Variants in CSMD1 observed in about 807,000 individuals in gnomAD.
The protein encoded by CSMD1 is CUB and Sushi multiple domains 1, also known as CUB and sushi domain-containing protein 1.
In CSMD1, 213 loss-of-function variants were observed where a neutral mutation model predicts 417.5. The ratio of observed to expected loss-of-function variants is 0.51; its 90% CI spans 0.46 to 0.57. The LOEUF is 0.57. CSMD1 is among the 20% of genes least tolerant of loss of function. The probability of loss-of-function intolerance (pLI) is 0.00; values close to 1 mark genes in which losing one functional copy is unlikely to be tolerated. For synonymous variants in CSMD1, 2,862 were observed against 1,736.8 expected (o/e 1.65, Z -16.11); for missense variants, 6,923 against 4,529.7 (o/e 1.53, Z -15.17).
At chr8:4,352,684 G>A (rs1183382312) in intron 3 of CSMD1, among the ~76,000 whole-genome samples, 8 of 152,146 alleles carry the variant, frequency 5.3e-5, no homozygotes, top group Non-Finnish European at 1.0e-4. Context: ...AAAAACGTAT[G>A]CATTTTAAGT....
At chr8:4,916,048 C>A (rs1024941122) in intron 1 of CSMD1, among the ~76,000 whole-genome samples, 1 of 152,166 alleles carries the variant, frequency 6.6e-6, no homozygotes, top group Non-Finnish European at 1.5e-5. Context: ...TAGATTTGCC[C>A]TGGAAAGGCA....
chr8:3,458,336 C>G (rs911271331), intron 12 of CSMD1, among the ~76,000 whole-genome samples: 2 of 152,132 alleles, frequency 1.3e-5, no homozygotes, highest in African/African-American at 2.4e-5. Flanking sequence ...TGGCTTATCT[C>G]ACATTATTAA....
At chr8:3,987,659 A>G (rs1193508286) in intron 5 of CSMD1, among the ~76,000 whole-genome samples, 1 of 152,194 alleles carries the variant, frequency 6.6e-6, no homozygotes, top group African/African-American at 2.4e-5. Context: ...AGCAGAAGAG[A>G]CAGTTCCCAG....
At chr8:4,130,576 T>C (rs1803038182) in intron 3 of CSMD1, among the ~76,000 whole-genome samples, 1 of 152,292 alleles carries the variant, frequency 6.6e-6, no homozygotes, top group Middle Eastern at 3.4e-3. Context: ...ACTGACCTTA[T>C]GTTTTCTAAC....
chr8:3,323,526 G>A (rs75756512), intron 23 of CSMD1, among the ~76,000 whole-genome samples: 7,003 of 152,148 alleles, frequency 0.046, 353 homozygotes, highest in East Asian at 0.21. Context: ...AGGGAAACTT[G>A]CCTAAAACCA....
chr8:3,814,175 A>T (rs2129078853), intron 5 of CSMD1, among the ~76,000 whole-genome samples: 1 of 152,308 alleles, frequency 6.6e-6, no homozygotes, highest in East Asian at 1.9e-4. Flanking sequence ...GGAAGTCAAG[A>T]TGCAAACTGC....
At chr8:3,793,490 C>T (rs1301365725) in intron 5 of CSMD1, among the ~76,000 whole-genome samples, 4 of 151,034 alleles carry the variant, frequency 2.6e-5, no homozygotes, top group Non-Finnish European at 2.9e-5. Context: ...CAAGCCAGCC[C>T]TCTTGTGCCC....
intron 5 of CSMD1, among the ~76,000 whole-genome samples, chr8:3,858,271 G>C (rs1211805422): frequency 6.6e-6 from 1 of 152,046 alleles, no homozygotes; most frequent in East Asian, 1.9e-4. Flanking sequence ...AATGAGGATG[G>C]GCCTTATCAA....
At chr8:3,643,009 G>C (rs2449196) in intron 7 of CSMD1, among the ~76,000 whole-genome samples, 2,217 of 152,058 alleles carry the variant, frequency 0.015, 63 homozygotes, top group African/African-American at 0.048. Flanking sequence ...ATAGATGTAA[G>C]AAATTTTTCA....
At chr8:4,029,172 G>C (rs888952318) in intron 4 of CSMD1, among the ~76,000 whole-genome samples, 8 of 152,096 alleles carry the variant, frequency 5.3e-5, no homozygotes, top group South Asian at 2.1e-4. Flanking sequence ...ATAAACATTG[G>C]CATCAAATCT....
At chr8:3,638,589 G>A (rs1361693936) in intron 7 of CSMD1, among the ~76,000 whole-genome samples, 1 of 152,176 alleles carries the variant, frequency 6.6e-6, no homozygotes, top group Non-Finnish European at 1.5e-5. Context: ...AATCTGGAAA[G>A]GGTCAGAATG....
intron 3 of CSMD1, among the ~76,000 whole-genome samples, chr8:4,129,360 C>G (rs1312147049): frequency 6.6e-6 from 1 of 152,076 alleles, no homozygotes; most frequent in African/African-American, 2.4e-5. Context: ...TGAATGCATT[C>G]CCAGTTTCCT....
At chr8:3,665,042 A>G (rs1294528056) in intron 7 of CSMD1, among the ~76,000 whole-genome samples, 5 of 152,074 alleles carry the variant, frequency 3.3e-5, no homozygotes, top group African/African-American at 7.2e-5. Flanking sequence ...ATAAACTACC[A>G]ATTTCTCTGA....
chr8:3,253,593 C>A (rs1244896476), intron 26 of CSMD1, among the ~76,000 whole-genome samples: 1 of 152,090 alleles, frequency 6.6e-6, no homozygotes, highest in African/African-American at 2.4e-5. Context: ...TTTTTAACTT[C>A]CTGTCTCATT....
chr8:4,190,457 C>T (rs929340699), intron 3 of CSMD1, among the ~76,000 whole-genome samples: 3 of 151,694 alleles, frequency 2.0e-5, no homozygotes, highest in African/African-American at 7.3e-5. Flanking sequence ...TAATCAGAGC[C>T]TAACACTATT....
At chr8:3,461,311 G>C (rs1024009911) in intron 12 of CSMD1, among the ~76,000 whole-genome samples, 2 of 152,186 alleles carry the variant, frequency 1.3e-5, no homozygotes, top group African/African-American at 4.8e-5. Context: ...GAGGGAATGC[G>C]CTTCTGAAGG....
intron 18 of CSMD1, among the ~76,000 whole-genome samples, chr8:3,371,520 T>C (rs935133448): frequency 1.3e-5 from 2 of 152,086 alleles, no homozygotes; most frequent in Non-Finnish European, 2.9e-5. Flanking sequence ...CATGTATATA[T>C]TTATACTTCT....
intron 17 of CSMD1, among the ~76,000 whole-genome samples, chr8:3,395,146 C>T (rs13255022): frequency 0.65 from 98,205 of 151,978 alleles, 32,152 homozygotes; most frequent in African/African-American, 0.74. Context: ...TCATAGTAGA[C>T]ATGATTCTAT....
At position 4,905,587 on chromosome 8, in the gene CSMD1, A is replaced by AGGCG. The variant is rs1485384877; in HGVS notation, c.85+88744_85+88745insCGCC. Among the ~76,000 whole-genome samples, 7 of 152,148 alleles carry AGGCG rather than the reference A, an allele frequency of 4.6e-5. No homozygotes were observed. In the East Asian group the frequency reaches 7.8e-4, roughly 17 times the overall value. ...GTAATCCCAGCACTTTGGGAGGCCA[A>AGGCG]GGTGGGCCCATCACGAGGTCATGAG... On this transcript the variant is annotated intron_variant, in intron 1 of 69. Transcript: ENST00000635120.
Sources: gnomAD v4.1 joint callset for allele counts (sites outside exome capture counted in the v4.1 genomes callset) on GRCh38, gnomAD v4.1.1 for gene constraint, MANE v1.5 for transcripts, NCBI Gene and HGNC (gene_info 2026-07-23, HGNC 2026-07-21) for gene names.